The following NLGN1 variants were observed in gnomAD, a reference collection of about 807,000 sequenced individuals.
NLGN1 encodes neuroligin-1.
In NLGN1, 12 loss-of-function variants were observed where a neutral mutation model predicts 65.5. The ratio of observed to expected loss-of-function variants is 0.18; its 90% confidence interval spans 0.12 to 0.30. NLGN1 has a LOEUF of 0.30. Among genes scored for constraint, NLGN1 ranks in the 10% least tolerant of loss-of-function variants. The pLI is 1.00. For missense variants in NLGN1, 750 were observed against 1,007.1 expected (o/e 0.74, Z 3.46); for synonymous variants, 350 against 359.5 (o/e 0.97, Z 0.30).
intron 3 of NLGN1, among the ~76,000 whole-genome samples, chr3:173,761,200 T>A (rs1777921680): frequency 6.6e-6 from 1 of 152,156 alleles, no homozygotes; most frequent in South Asian, 2.1e-4. Context: ...TATATTACCA[T>A]ATAATGCTAA....
At chr3:173,932,050 C>T (rs2152287863) in intron 4 of NLGN1, among the ~76,000 whole-genome samples, 1 of 151,522 alleles carries the variant, frequency 6.6e-6, no homozygotes, top group Non-Finnish European at 1.5e-5. Context: ...TTTTGTTTTC[C>T]AGAGCAAATG....
At chr3:173,608,472 C>T (rs891130079) in intron 3 of NLGN1, among the ~76,000 whole-genome samples, 22 of 151,732 alleles carry the variant, frequency 1.4e-4, no homozygotes, top group East Asian at 1.2e-3. Context: ...AGGTGTTTTG[C>T]GTAATTTATC....
chr3:173,678,232 T>C (rs1439315888), intron 3 of NLGN1, among the ~76,000 whole-genome samples: 1 of 152,124 alleles, frequency 6.6e-6, no homozygotes, highest in East Asian at 1.9e-4. Context: ...GCTTGCTGTT[T>C]ATCTGGATTT....
intron 4 of NLGN1, among the ~76,000 whole-genome samples, chr3:174,263,870 G>C: frequency 6.6e-6 from 1 of 150,592 alleles, no homozygotes. Context: ...CTCTTTTAGG[G>C]CAGGCCTGGT....
intron 3 of NLGN1, among the ~76,000 whole-genome samples, chr3:173,667,594 A>G (rs1411180144): frequency 1.3e-5 from 2 of 152,106 alleles, no homozygotes; most frequent in Admixed American, 6.6e-5. Flanking sequence ...AGGATTCTAT[A>G]TAGATTTTCA....
intron 4 of NLGN1, among the ~76,000 whole-genome samples, chr3:174,030,511 T>C (rs1295938342): frequency 1.3e-5 from 2 of 152,196 alleles, no homozygotes; most frequent in Admixed American, 1.3e-4. Context: ...GCAAGTTAAA[T>C]TTCCGTGTAA....
intron 4 of NLGN1, among the ~76,000 whole-genome samples, chr3:173,906,537 C>T (rs1238598644): frequency 6.6e-6 from 1 of 152,174 alleles, no homozygotes; most frequent in African/African-American, 2.4e-5. Context: ...CAACCCATCA[C>T]ATTTTTGTAA....
At chr3:173,865,220 TTA>T (rs918387846) in intron 4 of NLGN1, among the ~76,000 whole-genome samples, 1 of 152,194 alleles carries the variant, frequency 6.6e-6, no homozygotes, top group African/African-American at 2.4e-5. Context: ...TTTAGGTGTT[TTA>T]TGTTTATTTC....
intron 4 of NLGN1, among the ~76,000 whole-genome samples, chr3:173,830,387 T>C (rs1722295173): frequency 6.6e-6 from 1 of 152,212 alleles, no homozygotes; most frequent in Admixed American, 6.5e-5. Context: ...GGTTAGTGGC[T>C]TGATATGCCT....
chr3:173,505,616 G>T (rs1181774716), intron 2 of NLGN1, among the ~76,000 whole-genome samples: 1 of 151,944 alleles, frequency 6.6e-6, no homozygotes, highest in African/African-American at 2.4e-5. Flanking sequence ...CACCTTGAAA[G>T]TTCTCTGCAT....
chr3:173,957,214 G>A (rs1579408644), intron 4 of NLGN1, among the ~76,000 whole-genome samples: 1 of 151,992 alleles, frequency 6.6e-6, no homozygotes. Flanking sequence ...GCCTGGATAA[G>A]TTGTTTATCC....
At chr3:174,018,395 G>A (rs938526699) in intron 4 of NLGN1, among the ~76,000 whole-genome samples, 1 of 152,076 alleles carries the variant, frequency 6.6e-6, no homozygotes, top group African/African-American at 2.4e-5. Flanking sequence ...AATATTGATT[G>A]GGGAAGTGAT....
chr3:173,812,023 A>AT (rs1239046460), intron 4 of NLGN1, among the ~76,000 whole-genome samples: 9 of 152,160 alleles, frequency 5.9e-5, no homozygotes, highest in Non-Finnish European at 1.2e-4. Context: ...CTTGGAGGCA[A>AT]TTATGCAATT....
intron 3 of NLGN1, among the ~76,000 whole-genome samples, chr3:173,730,691 T>C (rs1772684530): frequency 6.6e-6 from 1 of 152,032 alleles, no homozygotes; most frequent in Admixed American, 6.6e-5. Flanking sequence ...TCATATCTTT[T>C]TTTCCTCACA....
rs1455206057 is a variant in NLGN1, at chr3:173,971,913, A to G, written c.646+164081A>G. Among the ~76,000 whole-genome samples the G allele has an allele frequency of 2.0e-5, 3 of 152,080 alleles. No homozygotes were observed. In the South Asian group the frequency reaches 6.2e-4, roughly 32 times the overall value. ...GGCTACTGGCCTAAGCAGCAAGTGGACTGCTTAGGCCAGTAATGAGATAAA... is the reference window on the plus strand; with the variant it reads ...GGCTACTGGCCTAAGCAGCAAGTGGGCTGCTTAGGCCAGTAATGAGATAAA... On this transcript the variant is annotated intron_variant, in intron 4 of 6. Coordinates refer to ENST00000457714, the Ensembl canonical transcript of NLGN1.
At chr3:173,683,084 A>G (rs527873495) in intron 3 of NLGN1, among the ~76,000 whole-genome samples, 21 of 152,198 alleles carry the variant, frequency 1.4e-4, no homozygotes, top group Non-Finnish European at 2.2e-4. Context: ...GTTAGTTTTA[A>G]AAAATAAATT....
intron 4 of NLGN1, among the ~76,000 whole-genome samples, chr3:174,089,895 C>CT (rs10713354): frequency 0.095 from 13,721 of 145,112 alleles, 952 homozygotes; most frequent in East Asian, 0.34. Flanking sequence ...CATAAACAGG[C>CT]TTTTTTTTTT....
At chr3:173,686,671 A>G (rs967528694) in intron 3 of NLGN1, among the ~76,000 whole-genome samples, 4 of 152,220 alleles carry the variant, frequency 2.6e-5, no homozygotes, top group Admixed American at 2.6e-4. Flanking sequence ...ATAGACACTC[A>G]TGGCTGGGTG....
At chr3:174,171,319 TC>T (rs1728482125) in intron 4 of NLGN1, among the ~76,000 whole-genome samples, 1 of 112,318 alleles carries the variant, frequency 8.9e-6, no homozygotes, top group African/African-American at 6.6e-5. Context: ...ACATTTCTCT[TC>T]TTTATTAAAA....
Sources: allele counts gnomAD v4.1 joint callset (sites outside exome capture counted in the v4.1 genomes callset), GRCh38; gene constraint gnomAD v4.1.1; transcripts MANE v1.5; gene names NCBI Gene and HGNC (gene_info 2026-07-23, HGNC 2026-07-21).